ATP5MJ: variants seen among roughly 807,000 people sequenced by gnomAD.
ATP5MJ encodes ATP synthase F(0) complex subunit j, mitochondrial.
Under a neutral mutation model 8.3 loss-of-function variants are expected in ATP5MJ, and 4 were observed. The observed-to-expected ratio is 0.48, with a 90% CI of 0.24 to 1.11. The LOEUF is 1.11. Ranked by LOEUF, ATP5MJ falls within the 50% of genes least tolerant of loss-of-function variation. The pLI is 0.18. For synonymous variants in ATP5MJ, 23 were observed against 21.3 expected (o/e 1.08, Z -0.23); for missense variants, 66 against 71.8 (o/e 0.92, Z 0.29).
intron 1 of ATP5MJ, among the ~76,000 whole-genome samples, chr14:103,918,712 C>T (rs1010906891): frequency 6.6e-6 from 1 of 152,134 alleles, no homozygotes; most frequent in Non-Finnish European, 1.5e-5. Flanking sequence ...CCCCAGAGGG[C>T]TGTCAATGCA....
intron 1 of ATP5MJ, among the ~76,000 whole-genome samples, chr14:103,917,337 C>T (rs1290784925): frequency 2.0e-5 from 3 of 152,122 alleles, no homozygotes; most frequent in African/African-American, 7.2e-5. Context: ...ATATTAAATG[C>T]TTGTTACATA....
intron 3 of ATP5MJ, 63 bp downstream of exon 3, chr14:103,913,898 T>C (rs896214346): frequency 1.0e-5 from 16 of 1,556,224 alleles, no homozygotes; most frequent in Non-Finnish European, 1.3e-5. Context: ...ACGATATACC[T>C]TGTCCTGAAA....
In ATP5MJ at chr14:103,913,967, A is replaced by C. The variant is rs1166653398; in HGVS notation, c.142T>G (p.Leu48Val). Residue 48 changes from leucine (L) to valine (V), a missense_variant, in exon 3 of 4, where the codon TTG becomes GTG. Transcript: ENST00000286953. ...TCAGAAGCAAAAATCTTACCTTTCA[A>C]AGCCTTACTTCTTTTATCTAAAATA... ...IRAADKRSKA[L>V]KASAPAPGHH 2 of 1,612,332 alleles carry C rather than the reference A, an allele frequency of 1.2e-6. No homozygotes were observed. Among genetic ancestry groups the C allele is most frequent in the African/African-American group, 2.7e-5 (2 of 74,992 alleles).
At chr14:103,915,606 C>A (rs1235096586) in intron 1 of ATP5MJ, among the ~76,000 whole-genome samples, 1 of 151,912 alleles carries the variant, frequency 6.6e-6, no homozygotes, top group Non-Finnish European at 1.5e-5. Context: ...CTTTGGCCTC[C>A]CAAAGTGCTG....
At chr14:103,916,814 C>CCACT (rs1171366455) in intron 1 of ATP5MJ, among the ~76,000 whole-genome samples, 1 of 152,142 alleles carries the variant, frequency 6.6e-6, no homozygotes, top group Non-Finnish European at 1.5e-5. Flanking sequence ...CTCCCTCCAC[C>CCACT]CACTCACTGC....
At chr14:103,920,210 C>T (rs987083441) in intron 1 of ATP5MJ, among the ~76,000 whole-genome samples, 1 of 151,228 alleles carries the variant, frequency 6.6e-6, no homozygotes, top group Non-Finnish European at 1.5e-5. Flanking sequence ...CTGCAACCTC[C>T]GCCTCCAGGG....
chr14:103,916,919 G>A (rs139359068), intron 1 of ATP5MJ, among the ~76,000 whole-genome samples: 12 of 152,108 alleles, frequency 7.9e-5, no homozygotes, highest in Admixed American at 2.0e-4. Context: ...CAGCTTTACC[G>A]CACTGAATCC....
rs74373978 is a variant in ATP5MJ at position 103,920,129 on chromosome 14, C to CTTTTTTT, written c.-1+1334_-1+1340dup. Among the ~76,000 whole-genome samples the CTTTTTTT allele has an allele frequency of 4.9e-5, 6 of 121,498 alleles. No homozygotes were observed. In the East Asian group the frequency reaches 1.5e-3, roughly 31 times the overall value. The allele number at this position is 121,498 out of a possible 152,430, so 79.7% of individuals were successfully genotyped here. ...CGTGAACCACCGCGTCCGGCCCCTA[C>CTTTTTTT]TTTTTTTTTTTTTTTGAGACAGTCT... is the stretch of plus-strand genomic sequence containing the variant. On this transcript the variant is annotated intron_variant, in intron 1 of 3. Coordinates refer to ENST00000286953, the MANE Select transcript of ATP5MJ (RefSeq NM_004894.3).
At chr14:103,912,997 A>G (rs1168685627) in intron 3 of ATP5MJ, 1 of 356,074 alleles carries the variant, frequency 2.8e-6, no homozygotes, top group African/African-American at 2.1e-5. Flanking sequence ...CTACAGTTTC[A>G]TTGTCACTCT....
chr14:103,913,827 G>T, intron 3 of ATP5MJ, 134 bp downstream of exon 3: 1 of 1,000,866 alleles, frequency 1.0e-6, no homozygotes, highest in Non-Finnish European at 1.5e-6. Context: ...TTCAAGCTGT[G>T]AAGCATTTCA....
At chr14:103,917,711 G>T (rs1205125577) in intron 1 of ATP5MJ, among the ~76,000 whole-genome samples, 1 of 152,090 alleles carries the variant, frequency 6.6e-6, no homozygotes, top group African/African-American at 2.4e-5. Flanking sequence ...GCTACAGCAG[G>T]GACTGCCCTG....
intron 2 of ATP5MJ, chr14:103,914,514 A>G: frequency 4.4e-6 from 3 of 679,940 alleles, no homozygotes; most frequent in African/African-American, 1.8e-5. Flanking sequence ...AAGTTCCCCA[A>G]TTGGGCCAGG....
chr14:103,914,074 A>G, intron 2 of ATP5MJ, 90 bp from the exon 3 acceptor site: 1 of 1,219,610 alleles, frequency 8.2e-7, no homozygotes, highest in Non-Finnish European at 1.2e-6. Context: ...AAGGCATTGT[A>G]GCTTAGGTAA....
intron 1 of ATP5MJ, chr14:103,921,073 C>A (rs79762929): frequency 6.5e-7 from 1 of 1,536,546 alleles, no homozygotes; most frequent in African/African-American, 1.4e-5. Context: ...GGCAGTGTGG[C>A]GCAAGGAAAC....
rs560111572 is a variant in ATP5MJ, at chr14:103,913,819, C to A, written c.148+142G>T. The A allele has an allele frequency of 1.3e-4, 123 of 930,166 alleles. No individual in the cohort carries two copies. In the Middle Eastern group the frequency reaches 2.4e-3, roughly 18 times the overall value. The allele number at this position is 930,166 out of a possible 1,614,324, so 57.6% of individuals were successfully genotyped here. A position where few individuals can be genotyped will look rare whatever the true frequency, so the allele number is the denominator to read the frequency against. On this transcript the variant is annotated intron_variant, in intron 3 of 3. Transcript: ENST00000286953. ...CTTTCCCAGCAGGCATAGCAAACTTCAAGCTGTGAAGCATTTCAACTGCAC... is the reference window on the plus strand; with the variant it reads ...CTTTCCCAGCAGGCATAGCAAACTTAAAGCTGTGAAGCATTTCAACTGCAC...
At chr14:103,917,412 C>T (rs1300654057) in intron 1 of ATP5MJ, among the ~76,000 whole-genome samples, 1 of 151,852 alleles carries the variant, frequency 6.6e-6, no homozygotes, top group Non-Finnish European at 1.5e-5. Context: ...TGGAGGCTAG[C>T]ATAGAATTTA....
intron 1 of ATP5MJ, among the ~76,000 whole-genome samples, chr14:103,916,890 A>G (rs1219813829): frequency 6.6e-6 from 1 of 151,926 alleles, no homozygotes; most frequent in Non-Finnish European, 1.5e-5. Context: ...CCTTTCCCAC[A>G]CTGCGCAGCT....
At chr14:103,912,725 T>C (rs1595876801) in intron 3 of ATP5MJ, 31 bp from the exon 4 acceptor site, 2 of 1,608,348 alleles carry the variant, frequency 1.2e-6, no homozygotes, top group Non-Finnish European at 1.7e-6. Flanking sequence ...ATAAATATGA[T>C]TTAAGAAGGA....
chr14:103,920,308 A>G (rs375494443), intron 1 of ATP5MJ, among the ~76,000 whole-genome samples: 1 of 145,822 alleles, frequency 6.9e-6, no homozygotes, highest in Non-Finnish European at 1.5e-5. Flanking sequence ...AATTTTTTGT[A>G]TTTTTGGTAA....
Sources: gnomAD v4.1 joint callset for allele counts (sites outside exome capture counted in the v4.1 genomes callset) on GRCh38, gnomAD v4.1.1 for gene constraint, MANE v1.5 for transcripts, NCBI Gene and HGNC (gene_info 2026-07-23, HGNC 2026-07-21) for gene names.